The following GOLGA7B variants were observed in gnomAD, a reference collection of about 807,000 sequenced individuals.
GOLGA7B encodes golgin A7 family member B, also known as golgin subfamily A member 7B.
GOLGA7B carries 17 observed loss-of-function variants against 21.5 expected under a neutral mutation model. That is an observed-to-expected ratio of 0.79 (90% CI 0.54 to 1.19). The LOEUF (loss-of-function observed/expected upper bound fraction) is 1.19, where lower values mean the gene tolerates loss of function less well. Ranked by LOEUF, GOLGA7B falls within the 50% of genes most tolerant of loss-of-function variation. GOLGA7B has a pLI of 0.00. For missense variants in GOLGA7B, 169 were observed against 224.4 expected, an observed-to-expected ratio of 0.75 and a Z score of 1.58; for synonymous variants, 87 against 84.0, an observed-to-expected ratio of 1.04 and a Z score of -0.19.
intron 2 of GOLGA7B, among the ~76,000 whole-genome samples, chr10:97,862,395 G>A (rs1279529256): frequency 6.6e-6 from 1 of 152,178 alleles, no homozygotes; most frequent in Non-Finnish European, 1.5e-5. Flanking sequence ...GTAGCCTACT[G>A]TTGACTGGGA....
In GOLGA7B at chr10:97,865,878, T is replaced by A. The variant is rs1466923151; in HGVS notation, c.*178T>A. ...CTGTGGGCCATCAACCTATGCCCCC[T>A]GTCCCTCACCCCCGTCTGGATCAGT... On this transcript the variant is annotated 3_prime_UTR_variant, in exon 5 of 5. Coordinates refer to ENST00000370602, the MANE Select transcript of GOLGA7B (RefSeq NM_001010917.3). The A allele has an allele frequency of 9.6e-7, 1 of 1,046,394 alleles. No individual in the cohort carries two copies. The highest frequency in any genetic ancestry group is 2.9e-5 in the Admixed American group (1 of 34,288). 64.8% of individuals were successfully genotyped at this position (1,046,394 alleles called of 1,614,324 possible). A position where few individuals can be genotyped will look rare whatever the true frequency, so the allele number is the denominator to read the frequency against.
intron 1 of GOLGA7B, among the ~76,000 whole-genome samples, chr10:97,857,622 G>T (rs1377120965): frequency 6.6e-6 from 1 of 152,100 alleles, no homozygotes; most frequent in Non-Finnish European, 1.5e-5. Context: ...AAAAAACAAT[G>T]CTAAAGTTTA....
intron 2 of GOLGA7B, 92 bp from the exon 3 acceptor site, chr10:97,863,838 A>G: frequency 7.3e-7 from 1 of 1,361,494 alleles, no homozygotes; most frequent in Non-Finnish European, 1.0e-6. Flanking sequence ...TTCCCCATCT[A>G]CATGGCCCCA....
rs2050014614 is a variant in GOLGA7B at position 97,865,741 on chromosome 10, A to C, written c.*41A>C. 1.4e-6 allele frequency: 2 copies of C among 1,455,614 alleles called. No homozygotes were observed. Among genetic ancestry groups the C allele is most frequent in the Non-Finnish European group, 9.2e-7 (1 of 1,083,756 alleles). 90.2% of individuals were successfully genotyped at this position (1,455,614 alleles called of 1,614,324 possible). The stretch of plus-strand genomic sequence containing the variant: ...TGTAGGGAGGTGTATGGCCGGAGTG[A>C]GGGCCTTGCAGACCTGCGGCGGCTG... On this transcript the variant is annotated 3_prime_UTR_variant, in exon 5 of 5. Transcript: ENST00000370602.
At position 97,867,154 on chromosome 10, in the gene GOLGA7B, G is replaced by A. The variant is rs1257287527; in HGVS notation, c.*1454G>A. The A allele has an allele frequency of 6.6e-6, 1 of 152,104 alleles. No individual in the cohort carries two copies. Among genetic ancestry groups the A allele is most frequent in the Non-Finnish European group, 1.5e-5 (1 of 68,020 alleles). 9.4% of individuals were successfully genotyped at this position (152,104 alleles called of 1,614,324 possible). ...TGTGTTCAGCCTGCCCAGGGGCTGGGGCTCTTTAAGGCTTTGTAGGTGAGG... is the reference window on the plus strand; with the variant it reads ...TGTGTTCAGCCTGCCCAGGGGCTGGAGCTCTTTAAGGCTTTGTAGGTGAGG... On this transcript the variant is annotated 3_prime_UTR_variant, in exon 5 of 5. Coordinates refer to ENST00000370602, the MANE Select transcript of GOLGA7B (RefSeq NM_001010917.3).
chr10:97,857,277 T>A (rs114722070), intron 1 of GOLGA7B, among the ~76,000 whole-genome samples: 1 of 151,894 alleles, frequency 6.6e-6, no homozygotes, highest in Non-Finnish European at 1.5e-5. Context: ...GGGGTCCAGT[T>A]TATTCTTTTG....
intron 2 of GOLGA7B, 47 bp downstream of exon 2, chr10:97,859,630 C>G: frequency 6.3e-7 from 1 of 1,593,958 alleles, no homozygotes; most frequent in Non-Finnish European, 8.6e-7. Context: ...TGTGATGGAA[C>G]TGAGGTTCTT....
chr10:97,855,678 T>C (rs1409529104), intron 1 of GOLGA7B, among the ~76,000 whole-genome samples: 1 of 152,216 alleles, frequency 6.6e-6, no homozygotes, highest in Non-Finnish European at 1.5e-5. Flanking sequence ...AGGAAGGCCA[T>C]AGCCTTGTTC....
chr10:97,852,490 C>G (rs1480827543), intron 1 of GOLGA7B, among the ~76,000 whole-genome samples: 1 of 152,136 alleles, frequency 6.6e-6, no homozygotes, highest in Non-Finnish European at 1.5e-5. Context: ...CTTAGCTCTG[C>G]CAGGGCACAG....
At chr10:97,850,820 C>G (rs940355077) in intron 1 of GOLGA7B, among the ~76,000 whole-genome samples, 1 of 151,694 alleles carries the variant, frequency 6.6e-6, no homozygotes, top group Admixed American at 6.6e-5. Context: ...TTGGTCTCCA[C>G]TTTTGCATAT....
chr10:97,858,085 C>T (rs1036181611), intron 1 of GOLGA7B, among the ~76,000 whole-genome samples: 5 of 152,122 alleles, frequency 3.3e-5, no homozygotes, highest in African/African-American at 7.2e-5. Flanking sequence ...TGTCACTTTG[C>T]GCAAGCTTCT....
chr10:97,870,865 G>A lies in GOLGA7B; in HGVS notation c.*5165G>A, dbSNP rs1385177995. On this transcript the variant is annotated 3_prime_UTR_variant, in exon 5 of 5. Coordinates refer to ENST00000370602, the MANE Select transcript of GOLGA7B (RefSeq NM_001010917.3). ...GTTCACACCAGGAGTTCTTAACCTC[G>A]ACCCGACTGCATTCAGGTGCATATT... is the stretch of plus-strand genomic sequence containing the variant. 1 of 152,078 alleles carries A rather than the reference G, an allele frequency of 6.6e-6. No individual in the cohort carries two copies. The highest frequency in any genetic ancestry group is 6.5e-5 in the Admixed American group (1 of 15,278). 9.4% of individuals were successfully genotyped at this position (152,078 alleles called of 1,614,324 possible). A position where few individuals can be genotyped will look rare whatever the true frequency, so the allele number is the denominator to read the frequency against.
chr10:97,855,147 C>T (rs951688412), intron 1 of GOLGA7B, among the ~76,000 whole-genome samples: 1 of 152,164 alleles, frequency 6.6e-6, no homozygotes, highest in African/African-American at 2.4e-5. Context: ...GAGACACACG[C>T]CTTCAGGACA....
rs147570772 is a variant in GOLGA7B at position 97,861,042 on chromosome 10, C to T, written c.138+1459C>T. On this transcript the variant is annotated intron_variant, in intron 2 of 4. Coordinates refer to ENST00000370602, the MANE Select transcript of GOLGA7B (RefSeq NM_001010917.3). ...ACTAAAACTGTGGCCTGTGGATCAA[C>T]AATATCAACAATACCTGGGAGCTTG... Among the ~76,000 whole-genome samples, 15 of 152,326 alleles carry T rather than the reference C, an allele frequency of 9.8e-5. No individual in the cohort carries two copies. In the East Asian group the frequency reaches 2.7e-3, roughly 27 times the overall value.
chr10:97,860,035 G>A (rs552954721), intron 2 of GOLGA7B, among the ~76,000 whole-genome samples: 19 of 152,216 alleles, frequency 1.2e-4, no homozygotes, highest in Non-Finnish European at 2.6e-4. Flanking sequence ...TCAGACTGCA[G>A]CCCAAACCAA....
At chr10:97,859,361 T>C in intron 1 of GOLGA7B, 97 bp from the exon 2 acceptor site, 3 of 1,239,120 alleles carry the variant, frequency 2.4e-6, no homozygotes, top group Non-Finnish European at 3.4e-6. Flanking sequence ...TTCCTGGTGT[T>C]AGTGCTGGAA....
intron 4 of GOLGA7B, chr10:97,865,262 C>A (rs2050006196): frequency 3.0e-6 from 1 of 332,174 alleles, no homozygotes; most frequent in Non-Finnish European, 5.5e-6. Flanking sequence ...TGTGCAGTGA[C>A]ACCACCTCCC....
At chr10:97,863,872 T>G (rs1176194351) in intron 2 of GOLGA7B, 58 bp from the exon 3 acceptor site, 2 of 1,541,980 alleles carry the variant, frequency 1.3e-6, no homozygotes, top group South Asian at 1.2e-5. Context: ...CAGCCCTACC[T>G]GTGACTGTGC....
intron 1 of GOLGA7B, among the ~76,000 whole-genome samples, chr10:97,853,027 G>T (rs886619850): frequency 6.6e-6 from 1 of 152,212 alleles, no homozygotes; most frequent in African/African-American, 2.4e-5. Flanking sequence ...AAGTGGTGGG[G>T]TTTGGTCTCT....
Sources: allele counts gnomAD v4.1 joint callset (sites outside exome capture counted in the v4.1 genomes callset), GRCh38; gene constraint gnomAD v4.1.1; transcripts MANE v1.5; gene names NCBI Gene and HGNC (gene_info 2026-07-23, HGNC 2026-07-21).